The following GALNTL6 variants were observed in gnomAD, a reference collection of about 807,000 sequenced individuals.
GALNTL6 encodes polypeptide N-acetylgalactosaminyltransferase-like 6.
A neutral mutation model predicts 73.7 loss-of-function variants in GALNTL6; 46 were observed. The ratio of observed to expected loss-of-function variants is 0.62; its 90% confidence interval spans 0.49 to 0.80. The LOEUF (loss-of-function observed/expected upper bound fraction) is 0.80, where lower values mean the gene tolerates loss of function less well. Among genes scored for constraint, GALNTL6 ranks in the 30% least tolerant of loss-of-function variants. GALNTL6 has a pLI of 0.00. For missense variants in GALNTL6, 604 were observed against 755.0 expected, an observed-to-expected ratio of 0.80 and a Z score of 2.34; for synonymous variants, 259 against 263.7, an observed-to-expected ratio of 0.98 and a Z score of 0.17.
chr4:172,800,108 T>G (rs1006814687), intron 5 of GALNTL6, among the ~76,000 whole-genome samples: 20 of 151,754 alleles, frequency 1.3e-4, no homozygotes, highest in Non-Finnish European at 2.6e-4. Context: ...TGCCTGAAGC[T>G]GGGGGGGAGA....
At position 172,525,391 on chromosome 4, in the gene GALNTL6, AT is replaced by A. The variant is rs796334166; in HGVS notation, c.553+176711del. Among the ~76,000 whole-genome samples, 131 of 151,618 alleles carry A rather than the reference AT, an allele frequency of 8.6e-4. 1 individual carries two copies. The highest frequency in any genetic ancestry group is 3.0e-3 in the African/African-American group (126 of 41,374). On this transcript the variant is annotated intron_variant, in intron 5 of 12. Coordinates refer to ENST00000506823, the MANE Select transcript of GALNTL6 (RefSeq NM_001034845.3). The stretch of plus-strand genomic sequence containing the variant: ...ATATCGTCTTTATCTTTTCTCAACA[AT>A]TTTTTTTTAAATTTGTGTGTAGAGT...
rs10589603 is a variant in GALNTL6 at position 172,539,875 on chromosome 4, TTATATATATATA to T, written c.553+191207_553+191218del. ...CATATATATATGATTATACATATGATTATATATATATATATATATATATATATATATAAAAAA... is the reference window on the plus strand; with the variant it reads ...CATATATATATGATTATACATATGATTATATATATATATATATATAAAAAA... On this transcript the variant is annotated intron_variant, in intron 5 of 12. Transcript: ENST00000506823. Among the ~76,000 whole-genome samples the T allele has an allele frequency of 7.3e-4, 92 of 126,654 alleles. 1 individual carries two copies. The highest frequency in any genetic ancestry group is 2.4e-3 in the East Asian group (10 of 4,240). The allele number at this position is 126,654 out of a possible 152,430, so 83.1% of individuals were successfully genotyped here. A position where few individuals can be genotyped will look rare whatever the true frequency, so the allele number is the denominator to read the frequency against.
chr4:172,006,697 G>A (rs1314222547), intron 2 of GALNTL6, among the ~76,000 whole-genome samples: 1 of 151,928 alleles, frequency 6.6e-6, no homozygotes, highest in Non-Finnish European at 1.5e-5. Flanking sequence ...TAAAGTTCTT[G>A]GGGGGAATAT....
intron 10 of GALNTL6, among the ~76,000 whole-genome samples, chr4:172,959,879 G>A (rs183303689): frequency 2.2e-4 from 34 of 152,294 alleles, no homozygotes; most frequent in African/African-American, 7.9e-4. Context: ...TGCCTGCTGC[G>A]GTTTAGGCGT....
At chr4:173,027,882 A>G (rs1219440338) in intron 12 of GALNTL6, among the ~76,000 whole-genome samples, 30 of 152,240 alleles carry the variant, frequency 2.0e-4, no homozygotes, top group Non-Finnish European at 4.4e-4. Flanking sequence ...TTGTTTATAT[A>G]CTAGCAACAA....
intron 2 of GALNTL6, among the ~76,000 whole-genome samples, chr4:171,921,714 G>A (rs758477825): frequency 3.6e-4 from 55 of 151,996 alleles, no homozygotes; most frequent in Non-Finnish European, 7.8e-4. Flanking sequence ...TTATTAAGTT[G>A]ATGGTGCTCT....
chr4:172,914,477 CA>C (rs1747391878), intron 8 of GALNTL6, among the ~76,000 whole-genome samples: 2 of 152,266 alleles, frequency 1.3e-5, no homozygotes, highest in South Asian at 4.1e-4. Context: ...AGTCAAGACC[CA>C]TCAGTGTGCT....
rs1432930402 is a variant in GALNTL6 at position 173,021,574 on chromosome 4, A to T, written c.1587A>T (p.Thr529=). The T allele has an allele frequency of 6.2e-7, 1 of 1,613,832 alleles. No homozygotes were observed. The highest frequency in any genetic ancestry group is 8.5e-7 in the Non-Finnish European group (1 of 1,179,986). Reference sequence around the variant, plus strand: ...CGATCTCACACAACAGCCCCGTTACACTCTATGACTGTCATGGCATGAAGG... The same window carrying T: ...CGATCTCACACAACAGCCCCGTTACTCTCTATGACTGTCATGGCATGAAGG... ...FDAISHNSPV[T]LYDCHGMKGN... is the part of the protein sequence containing the mutation. Residue 529 remains threonine, a synonymous_variant, in exon 12 of 13, where the codon ACA becomes ACT. Coordinates refer to ENST00000506823, the MANE Select transcript of GALNTL6 (RefSeq NM_001034845.3).
At chr4:172,774,420 TG>T (rs1738955023) in intron 5 of GALNTL6, among the ~76,000 whole-genome samples, 1 of 152,134 alleles carries the variant, frequency 6.6e-6, no homozygotes, top group Non-Finnish European at 1.5e-5. Context: ...TGAAAACAAT[TG>T]GCCAGGCAGG....
At position 172,561,259 on chromosome 4, in the gene GALNTL6, CAAAAA is replaced by C. The variant is rs59249298; in HGVS notation, c.553+212592_553+212596del. On this transcript the variant is annotated intron_variant, in intron 5 of 12. Coordinates refer to ENST00000506823, the MANE Select transcript of GALNTL6 (RefSeq NM_001034845.3). ...TGGGCGACAGAGAGAGACTCCGTCT[CAAAAA>C]AAAAAAAAAAAAAAAAAAAAATATT... 1.6e-3 allele frequency among the ~76,000 whole-genome samples: 95 copies of C among 60,126 alleles called. 2 individuals carry two copies. The South Asian group carries it at 0.049, about 31-fold the overall frequency. 39.4% of individuals were successfully genotyped at this position (60,126 alleles called of 152,430 possible). A position where few individuals can be genotyped will look rare whatever the true frequency, so the allele number is the denominator to read the frequency against.
chr4:171,842,162 C>T (rs1395087988), intron 2 of GALNTL6, among the ~76,000 whole-genome samples: 3 of 152,150 alleles, frequency 2.0e-5, no homozygotes, highest in African/African-American at 7.2e-5. Context: ...ATATATCTTA[C>T]TTACATTTGT....
intron 4 of GALNTL6, among the ~76,000 whole-genome samples, chr4:172,337,456 C>G (rs1327132884): frequency 6.6e-6 from 1 of 152,032 alleles, no homozygotes. Flanking sequence ...CTATATGGAT[C>G]TTTTATAAGG....
intron 5 of GALNTL6, among the ~76,000 whole-genome samples, chr4:172,598,955 G>A (rs1242802616): frequency 6.6e-6 from 1 of 152,116 alleles, no homozygotes; most frequent in Non-Finnish European, 1.5e-5. Flanking sequence ...CCAGGAAAAT[G>A]TATCATAGTA....
At chr4:172,375,279 G>A (rs1483868506) in intron 5 of GALNTL6, among the ~76,000 whole-genome samples, 3 of 152,154 alleles carry the variant, frequency 2.0e-5, no homozygotes, top group Non-Finnish European at 4.4e-5. Context: ...CAAGCTGCAG[G>A]ATAGTGTTGT....
chr4:172,196,698 CATT>C (rs978628145), intron 2 of GALNTL6, among the ~76,000 whole-genome samples: 74 of 152,114 alleles, frequency 4.9e-4, no homozygotes, highest in Non-Finnish European at 7.8e-4. Context: ...AAAACCACAT[CATT>C]ATCTCAATAG....
At chr4:172,811,905 A>T (rs926823176) in intron 6 of GALNTL6, among the ~76,000 whole-genome samples, 1 of 152,078 alleles carries the variant, frequency 6.6e-6, no homozygotes, top group African/African-American at 2.4e-5. Context: ...AATTTTTGTG[A>T]TGTTATTCAT....
intron 2 of GALNTL6, among the ~76,000 whole-genome samples, chr4:172,027,545 T>A (rs1284785171): frequency 6.6e-6 from 1 of 152,072 alleles, no homozygotes; most frequent in East Asian, 1.9e-4. Context: ...TCTTCAGGCC[T>A]CCCTATTCCT....
chr4:171,993,101 C>A (rs1657846438), intron 2 of GALNTL6, among the ~76,000 whole-genome samples: 1 of 151,920 alleles, frequency 6.6e-6, no homozygotes, highest in Admixed American at 6.6e-5. Context: ...AACAACACGG[C>A]ATATTTAATT....
intron 8 of GALNTL6, among the ~76,000 whole-genome samples, chr4:172,885,939 C>T (rs559108423): frequency 1.4e-3 from 208 of 152,012 alleles, no homozygotes; most frequent in Non-Finnish European, 2.6e-3. Context: ...TTTTTAATGT[C>T]TTATTGAATT....
Sources: allele counts gnomAD v4.1 joint callset (sites outside exome capture counted in the v4.1 genomes callset), GRCh38; gene constraint gnomAD v4.1.1; transcripts MANE v1.5; gene names NCBI Gene and HGNC (gene_info 2026-07-23, HGNC 2026-07-21).